The following CELF2 variants were observed in gnomAD, a reference collection of about 807,000 sequenced individuals.
CELF2 encodes CUGBP Elav-like family member 2.
In CELF2, 8 loss-of-function variants were observed where a neutral mutation model predicts 62.6. The observed-to-expected ratio is 0.13, with a 90% CI of 0.07 to 0.23. The LOEUF (loss-of-function observed/expected upper bound fraction) is 0.23, where lower values mean the gene tolerates loss of function less well. Among genes scored for constraint, CELF2 ranks in the 10% least tolerant of loss-of-function variants. The pLI is 1.00. For missense variants in CELF2, 333 were observed against 671.0 expected, an observed-to-expected ratio of 0.50 and a Z score of 5.56; for synonymous variants, 258 against 250.0, an observed-to-expected ratio of 1.03 and a Z score of -0.30.
intron 1 of CELF2, among the ~76,000 whole-genome samples, chr10:10,824,308 T>C (rs1029219787): frequency 3.9e-5 from 6 of 152,198 alleles, no homozygotes; most frequent in Non-Finnish European, 7.3e-5. Context: ...TCAAAATGTA[T>C]TTATTTATTT....
In CELF2 at chr10:10,812,395, T is replaced by C. The variant is rs536586300; in HGVS notation, c.53+13578T>C. Among the ~76,000 whole-genome samples the C allele has an allele frequency of 4.3e-4, 66 of 152,266 alleles. 1 individual carries two copies. Among genetic ancestry groups the C allele is most frequent in the East Asian group, 2.3e-3 (12 of 5,182 alleles). ...CATGTGGAAATTATGGAAGCTACAATTGAAGATGAGATTTGGGTGGGGACA... is the reference window on the plus strand; with the variant it reads ...CATGTGGAAATTATGGAAGCTACAACTGAAGATGAGATTTGGGTGGGGACA... On this transcript the variant is annotated intron_variant, in intron 1 of 13. Transcript: ENST00000636488.
At chr10:10,782,201 G>C in the CELF2 span, among the ~76,000 whole-genome samples, 1 of 152,172 alleles carries the variant, frequency 6.6e-6, no homozygotes, top group Non-Finnish European at 1.5e-5. Flanking sequence ...ATTGGTTCAT[G>C]CTATTATAAA....
At chr10:10,803,231 A>G (rs769052850) in intron 1 of CELF2, among the ~76,000 whole-genome samples, 14 of 152,182 alleles carry the variant, frequency 9.2e-5, no homozygotes, top group Non-Finnish European at 1.2e-4. Flanking sequence ...CATAAATCAG[A>G]TTCTGTGACT....
At chr10:10,919,147 G>A (rs956256763) in intron 1 of CELF2, among the ~76,000 whole-genome samples, 6 of 152,094 alleles carry the variant, frequency 3.9e-5, no homozygotes, top group Non-Finnish European at 7.3e-5. Flanking sequence ...GCACACAACT[G>A]TAATCCCAGC....
At chr10:10,973,350 G>C (rs947500530) in intron 2 of CELF2, among the ~76,000 whole-genome samples, 2 of 151,994 alleles carry the variant, frequency 1.3e-5, no homozygotes. Flanking sequence ...ATGACTCCTG[G>C]GTCCCAGCAC....
chr10:10,730,485 A>G, the CELF2 span, among the ~76,000 whole-genome samples: 1 of 152,120 alleles, frequency 6.6e-6, no homozygotes, highest in African/African-American at 2.4e-5. Context: ...TCAAAAATAA[A>G]AAATAAAAAA....
At chr10:11,198,832 G>A (rs1011925180) in intron 2 of CELF2, among the ~76,000 whole-genome samples, 2 of 152,168 alleles carry the variant, frequency 1.3e-5, no homozygotes, top group African/African-American at 4.8e-5. Context: ...AGATGTTCGT[G>A]GCAATCTATA....
the CELF2 span, among the ~76,000 whole-genome samples, chr10:10,655,812 G>T: frequency 7.3e-6 from 1 of 137,688 alleles, no homozygotes. Flanking sequence ...ATAGGCACAG[G>T]CAAGGACTTC....
the CELF2 span, among the ~76,000 whole-genome samples, chr10:10,607,306 G>A: frequency 3.3e-5 from 5 of 151,628 alleles, no homozygotes; most frequent in South Asian, 1.0e-3. Context: ...TAAAGAAAAT[G>A]TTAAAAAAAA....
At chr10:10,747,367 C>CAA in the CELF2 span, among the ~76,000 whole-genome samples, 2 of 152,196 alleles carry the variant, frequency 1.3e-5, no homozygotes, top group Non-Finnish European at 2.9e-5. Context: ...TTGGAGTTTT[C>CAA]AGTCTAGTGA....
In CELF2 at chr10:11,314,304, C is replaced by T. The variant is rs1565936963; in HGVS notation, c.1096+46C>T. Reference sequence around the variant, plus strand: ...TTGCTGCTCTGGTGGACAGCCTTCCCCCAAATTCTCCACAGAAAGTGGTCA... The same window carrying T: ...TTGCTGCTCTGGTGGACAGCCTTCCTCCAAATTCTCCACAGAAAGTGGTCA... On this transcript the variant is annotated intron_variant, in intron 10 of 12. Transcript: ENST00000633077. The surrounding 1 kb of genome is among the most constrained non-coding windows in gnomAD (Gnocchi z 5.3). 1 of 1,613,606 alleles carries T rather than the reference C, an allele frequency of 6.2e-7. No individual in the cohort carries two copies. Among genetic ancestry groups the T allele is most frequent in the Admixed American group, 1.7e-5 (1 of 60,020 alleles).
chr10:10,836,071 C>T (rs1048536030), intron 1 of CELF2, among the ~76,000 whole-genome samples: 2 of 152,150 alleles, frequency 1.3e-5, no homozygotes, highest in African/African-American at 4.8e-5. Context: ...ATAGGAGTCC[C>T]ATGGACAGCT....
chr10:10,503,018 GT>G, the CELF2 span, among the ~76,000 whole-genome samples: 1 of 151,902 alleles, frequency 6.6e-6, no homozygotes. Flanking sequence ...GGGCTGTTTA[GT>G]TTCAATAGGT....
intron 1 of CELF2, among the ~76,000 whole-genome samples, chr10:11,122,768 A>T (rs1232393875): frequency 1.3e-5 from 2 of 152,236 alleles, no homozygotes; most frequent in African/African-American, 4.8e-5. Context: ...AGCCAAGCTC[A>T]ATTTTTCTCA....
intron 1 of CELF2, among the ~76,000 whole-genome samples, chr10:11,037,337 C>T (rs2139257107): frequency 6.6e-6 from 1 of 152,372 alleles, no homozygotes; most frequent in Non-Finnish European, 1.5e-5. Flanking sequence ...ACAGGTCCCT[C>T]CCATGACATG....
the CELF2 span, among the ~76,000 whole-genome samples, chr10:10,743,176 T>C: frequency 6.6e-6 from 1 of 152,220 alleles, no homozygotes; most frequent in East Asian, 1.9e-4. Flanking sequence ...GTGTTCATTT[T>C]TATCCAAAAG....
the CELF2 span, among the ~76,000 whole-genome samples, chr10:10,487,068 A>G: frequency 1.3e-5 from 2 of 152,216 alleles, no homozygotes; most frequent in Non-Finnish European, 2.9e-5. Flanking sequence ...GCTTAAAGGT[A>G]TCAGGACAAG....
At chr10:10,825,940 A>G (rs1278980560) in intron 1 of CELF2, among the ~76,000 whole-genome samples, 1 of 152,192 alleles carries the variant, frequency 6.6e-6, no homozygotes, top group East Asian at 1.9e-4. Context: ...AATAACAATA[A>G]TATTATCTAT....
At chr10:11,320,711 GA>G (rs2095391058) in intron 10 of CELF2, 9 of 841,326 alleles carry the variant, frequency 1.1e-5, no homozygotes, top group Non-Finnish European at 1.6e-5. Context: ...CGGCCTAAGG[GA>G]AAAAAGTTTT....
Sources: allele counts gnomAD v4.1 joint callset (sites outside exome capture counted in the v4.1 genomes callset), GRCh38; gene constraint gnomAD v4.1.1; non-coding constraint Gnocchi (gnomAD v3.1); transcripts MANE v1.5; gene names NCBI Gene and HGNC (gene_info 2026-07-23, HGNC 2026-07-21).